Variants in CHRM3 observed in about 807,000 individuals in gnomAD.
CHRM3 encodes cholinergic receptor muscarinic 3, also known as muscarinic acetylcholine receptor M3.
In CHRM3, 11 loss-of-function variants were observed where a neutral mutation model predicts 41.8. That is an observed-to-expected ratio of 0.26 (90% CI 0.17 to 0.44). The LOEUF is 0.44. CHRM3 is among the 20% of genes least tolerant of loss of function. The pLI is 1.00. For missense variants in CHRM3, 571 were observed against 745.4 expected (o/e 0.77, Z 2.72); for synonymous variants, 297 against 301.4 (o/e 0.99, Z 0.15).
intron 4 of CHRM3, among the ~76,000 whole-genome samples, chr1:239,660,236 G>C (rs1041938870): frequency 6.6e-6 from 1 of 152,064 alleles, no homozygotes; most frequent in African/African-American, 2.4e-5. Flanking sequence ...TTCTACCTCG[G>C]CCTCCCAAAG....
At chr1:239,403,976 G>GA (rs1660203316) in intron 1 of CHRM3, among the ~76,000 whole-genome samples, 1 of 46,488 alleles carries the variant, frequency 2.2e-5, no homozygotes, top group Non-Finnish European at 3.9e-5. Flanking sequence ...AGAGGGAGGG[G>GA]GAGAGAGAGA....
intron 4 of CHRM3, among the ~76,000 whole-genome samples, chr1:239,643,724 G>A (rs1671460382): frequency 6.6e-6 from 1 of 152,296 alleles, no homozygotes; most frequent in South Asian, 2.1e-4. Flanking sequence ...CGCTTCCCAA[G>A]TGAGGCAATG....
chr1:239,533,195 A>G (rs1572628060), intron 2 of CHRM3, among the ~76,000 whole-genome samples: 2 of 152,190 alleles, frequency 1.3e-5, no homozygotes, highest in South Asian at 2.1e-4. Context: ...TAAACTTCCC[A>G]TGATTGTAAA....
chr1:239,799,212 C>T (rs1439114249), intron 5 of CHRM3, among the ~76,000 whole-genome samples: 1 of 152,138 alleles, frequency 6.6e-6, no homozygotes, highest in African/African-American at 2.4e-5. Flanking sequence ...GGACCGGGAA[C>T]TTAACAGGTC....
chr1:239,855,695 T>C (rs1675055763), intron 6 of CHRM3, among the ~76,000 whole-genome samples: 1 of 152,140 alleles, frequency 6.6e-6, no homozygotes, highest in Non-Finnish European at 1.5e-5. Context: ...ATGACTAGCA[T>C]TTTTCCTCAA....
intron 3 of CHRM3, among the ~76,000 whole-genome samples, chr1:239,620,165 A>G (rs1668198428): frequency 6.6e-6 from 1 of 152,226 alleles, no homozygotes; most frequent in Admixed American, 6.5e-5. Context: ...TCCATGTTAA[A>G]GCTACTTACT....
intron 5 of CHRM3, among the ~76,000 whole-genome samples, chr1:239,784,121 G>C (rs539653764): frequency 1.3e-5 from 2 of 152,076 alleles, no homozygotes; most frequent in Non-Finnish European, 2.9e-5. Flanking sequence ...ATGCTTTCTT[G>C]TAAAGTTTCA....
intron 4 of CHRM3, among the ~76,000 whole-genome samples, chr1:239,668,130 G>T: frequency 3.5e-5 from 3 of 86,442 alleles, no homozygotes; most frequent in Non-Finnish European, 6.2e-5. Context: ...ACAGAGTCTT[G>T]CTCTGTTGCC....
At chr1:239,506,509 T>G (rs1337768129) in intron 2 of CHRM3, among the ~76,000 whole-genome samples, 1 of 152,192 alleles carries the variant, frequency 6.6e-6, no homozygotes, top group Non-Finnish European at 1.5e-5. Context: ...AACTTCTGCC[T>G]AGGGTTCAGA....
At chr1:239,663,316 C>T (rs187214026) in intron 4 of CHRM3, among the ~76,000 whole-genome samples, 1 of 152,256 alleles carries the variant, frequency 6.6e-6, no homozygotes, top group Admixed American at 6.5e-5. Flanking sequence ...AAAGAGTTTA[C>T]ACCCTGGATT....
intron 3 of CHRM3, among the ~76,000 whole-genome samples, chr1:239,613,233 T>A (rs143854862): frequency 6.6e-6 from 1 of 152,160 alleles, no homozygotes; most frequent in Non-Finnish European, 1.5e-5. Context: ...ACAGATTGCA[T>A]GTAGGGTGTG....
chr1:239,413,783 T>C (rs781737541), intron 1 of CHRM3, among the ~76,000 whole-genome samples: 6 of 152,212 alleles, frequency 3.9e-5, no homozygotes, highest in Non-Finnish European at 7.3e-5. Context: ...AGTTCTGCGG[T>C]GTGGAGAAAG....
In CHRM3 at chr1:239,911,478, A is replaced by G. The variant is rs1680365363; in HGVS notation, c.*2254A>G. 1 of 166,940 alleles carries G rather than the reference A, an allele frequency of 6.0e-6. No homozygotes were observed. The highest frequency in any genetic ancestry group is 2.1e-4 in the South Asian group (1 of 4,822). The allele number at this position is 166,940 out of a possible 1,614,324, so 10.3% of individuals were successfully genotyped here. The stretch of plus-strand genomic sequence containing the variant: ...TGAAAGCTTATTCAAGTGTCCCAGT[A>G]CTTCAGCACTTCCCATCCTTTTGGA... On this transcript the variant is annotated 3_prime_UTR_variant, in exon 7 of 7. Transcript: ENST00000676153.
At chr1:239,720,017 T>A (rs958165005) in intron 5 of CHRM3, 2 of 151,970 alleles carry the variant, frequency 1.3e-5, no homozygotes, top group Non-Finnish European at 1.5e-5. Flanking sequence ...TCGGCAGGAT[T>A]TTTAAGCACT....
chr1:239,717,046 T>TG (rs1406727598), intron 5 of CHRM3, among the ~76,000 whole-genome samples: 1 of 53,872 alleles, frequency 1.9e-5, no homozygotes, highest in East Asian at 5.9e-4. Context: ...TCACTTCCAG[T>TG]TTTTTTTTTT....
chr1:239,892,254 A>C (rs1678614588), intron 6 of CHRM3, among the ~76,000 whole-genome samples: 1 of 152,204 alleles, frequency 6.6e-6, no homozygotes, highest in Non-Finnish European at 1.5e-5. Flanking sequence ...ATTGTTTTCC[A>C]ATATTTAATT....
At chr1:239,871,590 A>G (rs1676592531) in intron 6 of CHRM3, among the ~76,000 whole-genome samples, 2 of 152,172 alleles carry the variant, frequency 1.3e-5, no homozygotes, top group Admixed American at 1.3e-4. Flanking sequence ...AATAAGTACC[A>G]TAGTAAACGT....
chr1:239,436,387 T>C (rs1663271855), intron 1 of CHRM3, among the ~76,000 whole-genome samples: 1 of 152,278 alleles, frequency 6.6e-6, no homozygotes, highest in Non-Finnish European at 1.5e-5. Context: ...GCTGTTCTCC[T>C]CACAGTGGAC....
At chr1:239,648,920 T>A (rs996506059) in intron 4 of CHRM3, among the ~76,000 whole-genome samples, 1 of 152,178 alleles carries the variant, frequency 6.6e-6, no homozygotes. Context: ...ATTAGTAGCA[T>A]TGACATATAT....
Sources: allele counts gnomAD v4.1 joint callset (sites outside exome capture counted in the v4.1 genomes callset), GRCh38; gene constraint gnomAD v4.1.1; transcripts MANE v1.5; gene names NCBI Gene and HGNC (gene_info 2026-07-23, HGNC 2026-07-21).